LDLRAD4: variants seen among roughly 807,000 people sequenced by gnomAD.
LDLRAD4 encodes the protein low density lipoprotein receptor class A domain containing 4, also known as low-density lipoprotein receptor class A domain-containing protein 4.
Under a neutral mutation model 17.0 loss-of-function variants are expected in LDLRAD4, and 5 were observed. The observed-to-expected ratio is 0.29, with a 90% CI of 0.15 to 0.62. The LOEUF is 0.62. Among genes scored for constraint, LDLRAD4 ranks in the 20% least tolerant of loss-of-function variants. LDLRAD4 has a pLI of 0.84. For synonymous variants in LDLRAD4, 168 were observed against 171.8 expected (o/e 0.98, Z 0.17); for missense variants, 340 against 424.7 (o/e 0.80, Z 1.75).
At chr18:13,324,620 C>T (rs1487078701) in intron 1 of LDLRAD4, among the ~76,000 whole-genome samples, 1 of 152,072 alleles carries the variant, frequency 6.6e-6, no homozygotes, top group Non-Finnish European at 1.5e-5. Context: ...ATCCGGGCAG[C>T]AGGGGAGGGG....
At chr18:13,331,298 G>C (rs1295177570) in intron 1 of LDLRAD4, among the ~76,000 whole-genome samples, 1 of 152,222 alleles carries the variant, frequency 6.6e-6, no homozygotes, top group African/African-American at 2.4e-5. Context: ...TGTCCATGCA[G>C]AACTACTTGC....
At chr18:13,251,357 G>A (rs964592333) in intron 1 of LDLRAD4, among the ~76,000 whole-genome samples, 34 of 152,090 alleles carry the variant, frequency 2.2e-4, no homozygotes, top group African/African-American at 7.7e-4. Flanking sequence ...TATTCAACAC[G>A]TACTGGAAGT....
At chr18:13,557,915 A>T (rs1363413296) in intron 3 of LDLRAD4, among the ~76,000 whole-genome samples, 1 of 152,184 alleles carries the variant, frequency 6.6e-6, no homozygotes, top group Admixed American at 6.5e-5. Context: ...TTTCACTTTG[A>T]ATTTGAATTA....
At chr18:13,589,391 A>C (rs997448812) in intron 3 of LDLRAD4, among the ~76,000 whole-genome samples, 7 of 152,298 alleles carry the variant, frequency 4.6e-5, no homozygotes, top group Admixed American at 3.9e-4. Context: ...TTACCTAGGA[A>C]GGCTTCAGCT....
At chr18:13,394,703 T>C (rs2086523640) in intron 2 of LDLRAD4, among the ~76,000 whole-genome samples, 1 of 152,246 alleles carries the variant, frequency 6.6e-6, no homozygotes, top group Admixed American at 6.5e-5. Flanking sequence ...GAATGCTGGC[T>C]CTACTGTCAG....
At chr18:13,424,371 A>G (rs1359060282) in intron 2 of LDLRAD4, among the ~76,000 whole-genome samples, 2 of 152,188 alleles carry the variant, frequency 1.3e-5, no homozygotes, top group East Asian at 3.9e-4. Context: ...CGTCTGTGAC[A>G]GGAGCACAGA....
chr18:13,321,861 C>CAAAAAAAAAAAAAGAAAAAAAA (rs2081242564), intron 1 of LDLRAD4, among the ~76,000 whole-genome samples: 3 of 62,140 alleles, frequency 4.8e-5, no homozygotes, highest in African/African-American at 1.9e-4. Context: ...GACTCCGTCT[C>CAAAAAAAAAAAAAGAAAAAAAA]AAAAAAAAAA....
chr18:13,568,069 G>C (rs1314267825), intron 3 of LDLRAD4, among the ~76,000 whole-genome samples: 5 of 151,830 alleles, frequency 3.3e-5, no homozygotes, highest in African/African-American at 7.2e-5. Flanking sequence ...GGGGGGTGGG[G>C]GGATCACCTG....
intron 3 of LDLRAD4, among the ~76,000 whole-genome samples, chr18:13,527,906 C>T (rs1400841245): frequency 6.6e-6 from 1 of 152,180 alleles, no homozygotes; most frequent in Non-Finnish European, 1.5e-5. Flanking sequence ...GCCATGGACA[C>T]CCATTCTCAA....
chr18:13,324,873 C>T (rs920501067), intron 1 of LDLRAD4, among the ~76,000 whole-genome samples: 1 of 152,126 alleles, frequency 6.6e-6, no homozygotes, highest in African/African-American at 2.4e-5. Context: ...GGTGAGTGGT[C>T]GCATTCTTGT....
chr18:13,391,881 C>T (rs1284045366), intron 2 of LDLRAD4, among the ~76,000 whole-genome samples: 1 of 152,134 alleles, frequency 6.6e-6, no homozygotes, highest in Admixed American at 6.5e-5. Flanking sequence ...TTTTAAATTG[C>T]TGCATAATAT....
At chr18:13,368,095 T>C (rs2084198945) in intron 1 of LDLRAD4, among the ~76,000 whole-genome samples, 1 of 152,050 alleles carries the variant, frequency 6.6e-6, no homozygotes, top group Admixed American at 6.6e-5. Flanking sequence ...CCTGGGTATA[T>C]CTGGGGGTGG....
At chr18:13,517,475 T>A (rs2093884713) in intron 3 of LDLRAD4, among the ~76,000 whole-genome samples, 1 of 152,178 alleles carries the variant, frequency 6.6e-6, no homozygotes, top group African/African-American at 2.4e-5. Context: ...GGTTATGAAG[T>A]CTGCTGGTGA....
chr18:13,472,467 A>G (rs1019365632), intron 3 of LDLRAD4: 1 of 152,168 alleles, frequency 6.6e-6, no homozygotes, highest in African/African-American at 2.4e-5. Context: ...ATTAGAATAC[A>G]AACAAAGGGG....
chr18:13,254,613 A>C (rs2043404764), intron 1 of LDLRAD4, among the ~76,000 whole-genome samples: 1 of 152,186 alleles, frequency 6.6e-6, no homozygotes, highest in Non-Finnish European at 1.5e-5. Flanking sequence ...CCTTACTCTG[A>C]CCTACAGTGA....
chr18:13,507,749 TC>T (rs1442353815), intron 3 of LDLRAD4, among the ~76,000 whole-genome samples: 1 of 152,210 alleles, frequency 6.6e-6, no homozygotes, highest in Non-Finnish European at 1.5e-5. Flanking sequence ...CACTAGCTGT[TC>T]CGTCACTTCT....
At chr18:13,526,591 G>T (rs2147750286) in intron 3 of LDLRAD4, 1 of 152,294 alleles carries the variant, frequency 6.6e-6, no homozygotes, top group South Asian at 2.1e-4. Flanking sequence ...CCATTTCTGT[G>T]TTACTCTTGT....
At chr18:13,237,440 C>T (rs1279066530) in intron 1 of LDLRAD4, among the ~76,000 whole-genome samples, 1 of 152,180 alleles carries the variant, frequency 6.6e-6, no homozygotes, top group Non-Finnish European at 1.5e-5. Flanking sequence ...TTCTGTGGTT[C>T]ATGGGCTTGT....
chr18:13,425,713 G>T (rs996284508), intron 2 of LDLRAD4, among the ~76,000 whole-genome samples: 7 of 152,354 alleles, frequency 4.6e-5, no homozygotes, highest in African/African-American at 1.7e-4. Flanking sequence ...CCGTGCTGGG[G>T]TTGACGGCCT....
Sources: gnomAD v4.1 joint callset for allele counts (sites outside exome capture counted in the v4.1 genomes callset) on GRCh38, gnomAD v4.1.1 for gene constraint, MANE v1.5 for transcripts, NCBI Gene and HGNC (gene_info 2026-07-23, HGNC 2026-07-21) for gene names.